SLCO1B1: variants seen among roughly 807,000 people sequenced by gnomAD.
SLCO1B1 encodes the protein solute carrier organic anion transporter family member 1B1, also known as OATP-2.
SLCO1B1 carries 81 observed loss-of-function variants against 70.1 expected under a neutral mutation model. That is an observed-to-expected ratio of 1.16 (90% confidence interval 0.97 to 1.39). The LOEUF is 1.39. SLCO1B1 is among the 40% of genes most tolerant of loss of function. The pLI, the probability that SLCO1B1 is intolerant of heterozygous loss-of-function variation, is 0.00. For synonymous variants in SLCO1B1, 283 were observed against 271.5 expected (o/e 1.04, Z -0.42); for missense variants, 895 against 799.6 (o/e 1.12, Z -1.44).
At position 21,222,372 on chromosome 12, in the gene SLCO1B1, G is replaced by C; in HGVS notation, c.1747+8G>C. Reference sequence around the variant, plus strand: ...TGGTTATACGAGCACTAGGTATGATGAAAAAAAAAAAAAAAAAAAAAAAAA... The same window carrying C: ...TGGTTATACGAGCACTAGGTATGATCAAAAAAAAAAAAAAAAAAAAAAAAA... On this transcript the variant is annotated splice_region_variant and intron_variant, in intron 13 of 14. Transcript: ENST00000256958. 1 of 24,434 alleles carries C rather than the reference G, an allele frequency of 4.1e-5. No homozygotes were observed. Among genetic ancestry groups the C allele is most frequent in the Non-Finnish European group, 6.9e-5 (1 of 14,506 alleles). 1.5% of individuals were successfully genotyped at this position (24,434 alleles called of 1,614,324 possible).
At chr12:21,233,999 T>A (rs985795773) in intron 14 of SLCO1B1, among the ~76,000 whole-genome samples, 1 of 152,206 alleles carries the variant, frequency 6.6e-6, no homozygotes, top group African/African-American at 2.4e-5. Flanking sequence ...AGATCTTACT[T>A]ATCAAAACAG....
intron 2 of SLCO1B1, among the ~76,000 whole-genome samples, chr12:21,164,184 C>T (rs952873757): frequency 6.6e-6 from 1 of 152,056 alleles, no homozygotes; most frequent in Non-Finnish European, 1.5e-5. Context: ...TGCATCCAGG[C>T]AAATCTCTTA....
At chr12:21,206,505 C>A (rs923389409) in intron 11 of SLCO1B1, among the ~76,000 whole-genome samples, 1 of 151,814 alleles carries the variant, frequency 6.6e-6, no homozygotes, top group Non-Finnish European at 1.5e-5. Context: ...GATCACTACC[C>A]TTTTTACTTT....
chr12:21,176,782 G>A lies in SLCO1B1; in HGVS notation c.366G>A (p.Arg122=), dbSNP rs756788386. Residue 122 remains arginine (R), a synonymous_variant, in exon 5 of 15, where the codon AGG becomes AGA. Coordinates refer to ENST00000256958, the MANE Select transcript of SLCO1B1 (RefSeq NM_006446.5). ...ALPHFFMGYY[R]YSKETNINSS... is the part of the protein sequence containing the mutation. ...TTCAGTGATGTTCTTACAGTTACAG[G>A]TATTCTAAAGAAACTAATATCAATT... The A allele has an allele frequency of 1.4e-5, 21 of 1,531,000 alleles. No homozygotes were observed. Among genetic ancestry groups the A allele is most frequent in the Non-Finnish European group, 1.8e-5 (20 of 1,106,034 alleles). 94.8% of individuals were successfully genotyped at this position (1,531,000 alleles called of 1,614,324 possible). A position where few individuals can be genotyped will look rare whatever the true frequency, so the allele number is the denominator to read the frequency against.
Position 21,152,532 on chromosome 12 carries a change from G to GTTTTTTTTTTTTT in SLCO1B1, c.84+10874_84+10875insTTTTTTTTTTTTT, listed in dbSNP as rs1321105425. 2.7e-3 allele frequency among the ~76,000 whole-genome samples: 21 copies of GTTTTTTTTTTTTT among 7,910 alleles called. 2 individuals carry two copies. Among genetic ancestry groups the GTTTTTTTTTTTTT allele is most frequent in the South Asian group, 0.024 (2 of 82 alleles). 5.2% of individuals were successfully genotyped at this position (7,910 alleles called of 152,430 possible). A position where few individuals can be genotyped will look rare whatever the true frequency, so the allele number is the denominator to read the frequency against. ...GTTGCTAAGGTGTGGGAGAGGAGAG[G>GTTTTTTTTTTTTT]CTTTTTTTTTTTTTTTTTTGCCTCT... On this transcript the variant is annotated intron_variant, in intron 2 of 14. Coordinates refer to ENST00000256958, the MANE Select transcript of SLCO1B1 (RefSeq NM_006446.5).
At chr12:21,194,695 T>G (rs1941071642) in intron 7 of SLCO1B1, among the ~76,000 whole-genome samples, 2 of 152,208 alleles carry the variant, frequency 1.3e-5, no homozygotes, top group African/African-American at 4.8e-5. Context: ...TTTTCAGGTA[T>G]CCTTATAGCA....
intron 7 of SLCO1B1, among the ~76,000 whole-genome samples, chr12:21,194,443 G>T (rs1036336392): frequency 5.9e-5 from 9 of 151,588 alleles, no homozygotes; most frequent in Non-Finnish European, 1.2e-4. Flanking sequence ...TTTTGGGGGG[G>T]TTGTTTTGTT....
At chr12:21,205,802 C>A in intron 10 of SLCO1B1, 66 bp from the exon 11 acceptor site, 1 of 1,187,392 alleles carries the variant, frequency 8.4e-7, no homozygotes, top group Non-Finnish European at 1.2e-6. Context: ...TCTTCCTTCT[C>A]CTCCCCTTCT....
At chr12:21,181,242 T>G (rs1301712170) in intron 7 of SLCO1B1, among the ~76,000 whole-genome samples, 2 of 152,186 alleles carry the variant, frequency 1.3e-5, no homozygotes, top group African/African-American at 4.8e-5. Context: ...TTTTCAATTT[T>G]TAAGACTGTG....
At chr12:21,194,879 CT>C (rs1941073308) in intron 7 of SLCO1B1, among the ~76,000 whole-genome samples, 1 of 152,190 alleles carries the variant, frequency 6.6e-6, no homozygotes, top group African/African-American at 2.4e-5. Context: ...CCCCAAGGAG[CT>C]TTTACTCCTG....
intron 11 of SLCO1B1, among the ~76,000 whole-genome samples, chr12:21,211,640 C>A (rs1246471300): frequency 6.6e-6 from 1 of 152,040 alleles, no homozygotes; most frequent in African/African-American, 2.4e-5. Flanking sequence ...GGAATGGTAC[C>A]AGTTCCTCCT....
chr12:21,189,560 G>A (rs1941004922), intron 7 of SLCO1B1, among the ~76,000 whole-genome samples: 1 of 151,914 alleles, frequency 6.6e-6, no homozygotes, highest in South Asian at 2.1e-4. Flanking sequence ...TGATTATCCA[G>A]CCTCAGCCTC....
Position 21,200,680 on chromosome 12 carries a change from A to G in SLCO1B1, c.1135+8A>G, listed in dbSNP as rs1941147283. On this transcript the variant is annotated splice_region_variant and intron_variant, in intron 9 of 14. Coordinates refer to ENST00000256958, the MANE Select transcript of SLCO1B1 (RefSeq NM_006446.5). ...AGGCTAACATCTTATTGGGTAAGACATATTTTTTACTTGTGTGCTTAATAA... is the reference window on the plus strand; with the variant it reads ...AGGCTAACATCTTATTGGGTAAGACGTATTTTTTACTTGTGTGCTTAATAA... 2 of 1,609,606 alleles carry G rather than the reference A, an allele frequency of 1.2e-6. No homozygotes were observed. The highest frequency in any genetic ancestry group is 2.2e-5 in the East Asian group (1 of 44,676).
intron 4 of SLCO1B1, among the ~76,000 whole-genome samples, chr12:21,176,254 G>A (rs761811720): frequency 2.6e-5 from 4 of 152,202 alleles, no homozygotes; most frequent in Middle Eastern, 3.4e-3. Context: ...TAGAGCTCAC[G>A]TGGTACCTAA....
At chr12:21,147,459 T>G (rs909842872) in intron 2 of SLCO1B1, among the ~76,000 whole-genome samples, 2 of 152,064 alleles carry the variant, frequency 1.3e-5, no homozygotes, top group Non-Finnish European at 2.9e-5. Context: ...CAGGTGCTGG[T>G]GTGTAATGTT....
chr12:21,187,079 A>C (rs1271505483), intron 7 of SLCO1B1, among the ~76,000 whole-genome samples: 1 of 152,172 alleles, frequency 6.6e-6, no homozygotes, highest in Non-Finnish European at 1.5e-5. Flanking sequence ...TTTTTAATGC[A>C]GATGAAAGTG....
In SLCO1B1 at chr12:21,239,233, A is replaced by G; in HGVS notation, c.*44A>G. On this transcript the variant is annotated 3_prime_UTR_variant, in exon 15 of 15. Transcript: ENST00000256958. ...TTCTGCTTCTGTGTTTCCAAACAGC[A>G]TTGCATTGATTCAGTAAGATGTTAT... The G allele has an allele frequency of 7.8e-7, 1 of 1,286,286 alleles. No individual in the cohort carries two copies. Among genetic ancestry groups the G allele is most frequent in the Non-Finnish European group, 1.1e-6 (1 of 881,956 alleles). 79.7% of individuals were successfully genotyped at this position (1,286,286 alleles called of 1,614,324 possible).
chr12:21,222,397 A>AAAATATATATATAT (rs1555097342), intron 13 of SLCO1B1, 33 bp downstream of exon 13: 8 of 97,734 alleles, frequency 8.2e-5, no homozygotes, highest in Non-Finnish European at 7.0e-5. Context: ...AAAAAAAAAA[A>AAAATATATATATAT]ATATATATAT....
chr12:21,215,007 C>G (rs2121175427), intron 11 of SLCO1B1, among the ~76,000 whole-genome samples: 1 of 152,280 alleles, frequency 6.6e-6, no homozygotes, highest in Non-Finnish European at 1.5e-5. Flanking sequence ...GATGGAAATG[C>G]AGAAATCACC....
Sources: allele counts gnomAD v4.1 joint callset (sites outside exome capture counted in the v4.1 genomes callset), GRCh38; gene constraint gnomAD v4.1.1; transcripts MANE v1.5; gene names NCBI Gene and HGNC (gene_info 2026-07-23, HGNC 2026-07-21).